Variants in RIGI observed in about 807,000 individuals in gnomAD.
The protein encoded by RIGI is RNA sensor RIG-I.
At chr9:32,459,371 C>G in the RIGI span, 2 of 1,612,296 alleles carry the variant, frequency 1.2e-6, no homozygotes, top group Non-Finnish European at 1.7e-6. Flanking sequence ...GGCAGCTTAC[C>G]TCTATCACTC....
chr9:32,511,807 A>G, the RIGI span, among the ~76,000 whole-genome samples: 3 of 152,234 alleles, frequency 2.0e-5, no homozygotes, highest in Non-Finnish European at 4.4e-5. Context: ...GGTTTTTTGA[A>G]AAGATTAACA....
the RIGI span, among the ~76,000 whole-genome samples, chr9:32,511,811 A>T: frequency 3.3e-5 from 5 of 152,242 alleles, no homozygotes; most frequent in Non-Finnish European, 5.9e-5. Context: ...TTTTGAAAAG[A>T]TTAACAAATA....
chr9:32,519,811 T>G, the RIGI span, among the ~76,000 whole-genome samples: 1 of 152,202 alleles, frequency 6.6e-6, no homozygotes, highest in Non-Finnish European at 1.5e-5. Context: ...AAAAAAATTA[T>G]AAGACTTTCT....
At chr9:32,459,284 T>C in the RIGI span, 4 of 1,431,804 alleles carry the variant, frequency 2.8e-6, no homozygotes, top group East Asian at 2.3e-5. Context: ...ATGGAAATAA[T>C]AGTAGTTTTA....
the RIGI span, among the ~76,000 whole-genome samples, chr9:32,482,035 G>A: frequency 6.6e-6 from 1 of 152,190 alleles, no homozygotes; most frequent in Non-Finnish European, 1.5e-5. Context: ...AAACTCATGT[G>A]ACTCCATCAC....
chr9:32,525,286 C>T, the RIGI span, among the ~76,000 whole-genome samples: 2 of 152,306 alleles, frequency 1.3e-5, no homozygotes, highest in East Asian at 3.9e-4. Flanking sequence ...GTTCAGTCCC[C>T]TAGGTCCGTG....
At chr9:32,521,150 A>AAAAAAAAAAAAAAAAAAAAAAAAAAAC in the RIGI span, among the ~76,000 whole-genome samples, 1 of 150,260 alleles carries the variant, frequency 6.7e-6, no homozygotes, top group Non-Finnish European at 1.5e-5. Flanking sequence ...AAAAAAAAAA[A>AAAAAAAAAAAAAAAAAAAAAAAAAAAC]AAAAAAAAAA....
At chr9:32,492,369 T>C in the RIGI span, 2 of 1,613,680 alleles carry the variant, frequency 1.2e-6, no homozygotes, top group South Asian at 1.1e-5. Context: ...AGTAGAGCTG[T>C]GAGGAGGGTA....
chr9:32,485,061 C>T, the RIGI span: 1 of 700,516 alleles, frequency 1.4e-6, no homozygotes, highest in Non-Finnish European at 2.3e-6. Flanking sequence ...AGGAAGACAA[C>T]CTCTGGATAT....
At chr9:32,466,311 G>C in the RIGI span, 1 of 1,613,672 alleles carries the variant, frequency 6.2e-7, no homozygotes, top group Non-Finnish European at 8.5e-7. Context: ...ATACTGCTTC[G>C]TCCCATGTCT....
the RIGI span, among the ~76,000 whole-genome samples, chr9:32,462,807 G>A: frequency 1.2e-3 from 182 of 152,214 alleles, 1 homozygote; most frequent in East Asian, 5.8e-4. Context: ...TGTAGCTGGC[G>A]CAATAGGCGT....
chr9:32,501,417 A>T, the RIGI span, among the ~76,000 whole-genome samples: 1 of 151,720 alleles, frequency 6.6e-6, no homozygotes, highest in Non-Finnish European at 1.5e-5. Context: ...AGGTGGGAGG[A>T]TCACTTGAAC....
the RIGI span, among the ~76,000 whole-genome samples, chr9:32,523,459 T>C: frequency 8.5e-5 from 13 of 152,238 alleles, no homozygotes; most frequent in Admixed American, 7.8e-4. Context: ...CCTGTCCCTC[T>C]TCCCACATTT....
At chr9:32,522,175 A>G in the RIGI span, among the ~76,000 whole-genome samples, 1 of 152,202 alleles carries the variant, frequency 6.6e-6, no homozygotes, top group Non-Finnish European at 1.5e-5. Context: ...TGTGGGACTG[A>G]AATAATTTTT....
the RIGI span, among the ~76,000 whole-genome samples, chr9:32,501,959 A>G: frequency 9.9e-5 from 15 of 152,178 alleles, no homozygotes; most frequent in Non-Finnish European, 1.8e-4. Flanking sequence ...ATCCATGACT[A>G]CTATTTTAGT....
At chr9:32,462,553 C>T in the RIGI span, among the ~76,000 whole-genome samples, 3 of 151,876 alleles carry the variant, frequency 2.0e-5, no homozygotes, top group Admixed American at 1.3e-4. Flanking sequence ...GGATTACAGG[C>T]AGGTGCCACC....
chr9:32,458,702 G>A, the RIGI span, among the ~76,000 whole-genome samples: 1 of 152,006 alleles, frequency 6.6e-6, no homozygotes, highest in Non-Finnish European at 1.5e-5. Context: ...GAAAATTTCT[G>A]CATACCCTTT....
the RIGI span, among the ~76,000 whole-genome samples, chr9:32,468,339 G>A: frequency 6.6e-6 from 1 of 152,202 alleles, no homozygotes; most frequent in African/African-American, 2.4e-5. Context: ...AAGCCCTATA[G>A]GTCAAAGGGT....
the RIGI span, among the ~76,000 whole-genome samples, chr9:32,495,242 C>A: frequency 2.6e-5 from 4 of 152,288 alleles, no homozygotes; most frequent in East Asian, 5.8e-4. Flanking sequence ...TGCTCTGTCA[C>A]CCAGGCTAGA....
Sources: gnomAD v4.1 joint callset for allele counts (sites outside exome capture counted in the v4.1 genomes callset) on GRCh38, gnomAD v4.1.1 for gene constraint, MANE v1.5 for transcripts, NCBI Gene and HGNC (gene_info 2026-07-23, HGNC 2026-07-21) for gene names.